Variants in RBM47 observed in about 807,000 individuals in gnomAD.
RBM47 encodes RNA binding motif protein 47, also known as RNA-binding protein 47.
RBM47 carries 21 observed loss-of-function variants against 47.1 expected under a neutral mutation model. The observed-to-expected ratio is 0.45, with a 90% confidence interval of 0.32 to 0.64. The LOEUF (loss-of-function observed/expected upper bound fraction) is 0.64. Ranked by LOEUF, RBM47 falls within the 30% of genes least tolerant of loss-of-function variation. The pLI, the probability that RBM47 is intolerant of heterozygous loss-of-function variation, is 0.05. For synonymous variants in RBM47, 375 were observed against 361.7 expected, an observed-to-expected ratio of 1.04 and a Z score of -0.42; for missense variants, 708 against 870.9, an observed-to-expected ratio of 0.81 and a Z score of 2.35.
intron 2 of RBM47, among the ~76,000 whole-genome samples, chr4:40,481,939 C>T (rs1269257701): frequency 1.3e-5 from 2 of 152,206 alleles, no homozygotes; most frequent in African/African-American, 2.4e-5. Flanking sequence ...CCGGCCTCAA[C>T]CTCCCAAAGT....
chr4:40,523,571 A>G (rs1263330121), intron 2 of RBM47, among the ~76,000 whole-genome samples: 1 of 152,002 alleles, frequency 6.6e-6, no homozygotes, highest in Non-Finnish European at 1.5e-5. Flanking sequence ...GAATTGCTTG[A>G]ACCCAGGAGG....
intron 4 of RBM47, 146 bp from the exon 5 acceptor site, chr4:40,436,793 C>T: frequency 1.3e-6 from 1 of 773,550 alleles, no homozygotes; most frequent in South Asian, 1.4e-5. Flanking sequence ...GGTAAAGATG[C>T]TTCCAACATT....
intron 1 of RBM47, among the ~76,000 whole-genome samples, chr4:40,588,997 T>A (rs1291287094): frequency 7.5e-6 from 1 of 133,050 alleles, no homozygotes; most frequent in Admixed American, 7.3e-5. Flanking sequence ...CGTTTCTTTT[T>A]TTTTTTTTTT....
At chr4:40,457,141 C>T (rs927193587) in intron 3 of RBM47, among the ~76,000 whole-genome samples, 1 of 151,620 alleles carries the variant, frequency 6.6e-6, no homozygotes, top group Non-Finnish European at 1.5e-5. Flanking sequence ...TTGTGGGGGT[C>T]GGGCGTGGTG....
chr4:40,488,348 T>TG (rs1240009283), intron 2 of RBM47, among the ~76,000 whole-genome samples: 3 of 10,316 alleles, frequency 2.9e-4, no homozygotes, highest in South Asian at 6.4e-3. Context: ...AAAAAAAGGG[T>TG]GGGGGGGAAG....
At chr4:40,459,457 T>G (rs1272290906) in intron 3 of RBM47, among the ~76,000 whole-genome samples, 1 of 152,058 alleles carries the variant, frequency 6.6e-6, no homozygotes, top group Non-Finnish European at 1.5e-5. Flanking sequence ...TCCCAGCTAC[T>G]GGGGAGGGTG....
At chr4:40,507,210 G>A (rs1235647383) in intron 2 of RBM47, among the ~76,000 whole-genome samples, 1 of 152,002 alleles carries the variant, frequency 6.6e-6, no homozygotes, top group Non-Finnish European at 1.5e-5. Flanking sequence ...GCCAGTCTCC[G>A]CCTTCCAAAG....
chr4:40,526,232 G>A (rs375461373), intron 2 of RBM47, among the ~76,000 whole-genome samples: 37 of 152,232 alleles, frequency 2.4e-4, no homozygotes, highest in African/African-American at 8.4e-4. Context: ...TTCAGAACAC[G>A]GGATCCTGCC....
chr4:40,605,343 A>G (rs1735668931), intron 1 of RBM47, among the ~76,000 whole-genome samples: 1 of 152,120 alleles, frequency 6.6e-6, no homozygotes, highest in East Asian at 1.9e-4. Context: ...GGCTCTTACA[A>G]AAGTGCATGA....
At chr4:40,457,422 CA>C (rs35497838) in intron 3 of RBM47, among the ~76,000 whole-genome samples, 47,628 of 111,152 alleles carry the variant, frequency 0.43, 7,603 homozygotes, top group South Asian at 0.47. Context: ...GACTCCATCT[CA>C]AAAAAAAAAA....
intron 1 of RBM47, among the ~76,000 whole-genome samples, chr4:40,573,101 C>T (rs577903229): frequency 6.9e-6 from 1 of 145,272 alleles, no homozygotes; most frequent in South Asian, 2.1e-4. Flanking sequence ...TGCAATGAGC[C>T]GACATTGCGC....
At chr4:40,459,944 CG>C (rs763777814) in intron 3 of RBM47, among the ~76,000 whole-genome samples, 7 of 152,058 alleles carry the variant, frequency 4.6e-5, no homozygotes, top group Non-Finnish European at 7.4e-5. Context: ...TTAGTAGAGA[CG>C]GGGTTTCACC....
chr4:40,479,079 G>A (rs1720032711), intron 2 of RBM47, among the ~76,000 whole-genome samples: 1 of 152,176 alleles, frequency 6.6e-6, no homozygotes, highest in Non-Finnish European at 1.5e-5. Context: ...ATAATAGTTG[G>A]CTAAGAAGCT....
At chr4:40,496,031 T>C (rs1017144034) in intron 2 of RBM47, among the ~76,000 whole-genome samples, 28 of 152,334 alleles carry the variant, frequency 1.8e-4, no homozygotes, top group African/African-American at 6.5e-4. Context: ...AAGAAACAAT[T>C]GATCATCCCC....
intron 3 of RBM47, among the ~76,000 whole-genome samples, chr4:40,459,237 C>T (rs1237043174): frequency 2.0e-5 from 3 of 152,146 alleles, no homozygotes; most frequent in African/African-American, 7.2e-5. Context: ...TCCCCAGTGC[C>T]TGGCACTGAA....
chr4:40,550,423 C>G (rs2102162), intron 1 of RBM47, among the ~76,000 whole-genome samples: 2 of 151,726 alleles, frequency 1.3e-5, no homozygotes, highest in African/African-American at 4.8e-5. Flanking sequence ...GTTTATCATA[C>G]GTAATTTTTT....
At chr4:40,481,055 G>A (rs1720313471) in intron 2 of RBM47, among the ~76,000 whole-genome samples, 1 of 151,964 alleles carries the variant, frequency 6.6e-6, no homozygotes, top group African/African-American at 2.4e-5. Context: ...GGAAGTGTGT[G>A]GTTTTGCCAA....
chr4:40,565,905 C>CA (rs1340926171), intron 1 of RBM47, among the ~76,000 whole-genome samples: 1 of 151,808 alleles, frequency 6.6e-6, no homozygotes, highest in Non-Finnish European at 1.5e-5. Context: ...CCTGTCTCTA[C>CA]AAAAAATAAA....
At position 40,438,784 on chromosome 4, in the gene RBM47, G is replaced by A. The variant is rs1387495250; in HGVS notation, c.110C>T (p.Ala37Val). 2.6e-6 allele frequency: 4 copies of A among 1,558,228 alleles called. No homozygotes were observed. The highest frequency in any genetic ancestry group is 3.5e-6 in the Non-Finnish European group (4 of 1,156,950). ...GCTGTAGCCCGTGCGCTCCATCAGC[G>A]CCAGCAGTGCTGCCTCGTTGGGCGC... ...AGAPNEAALL[A>V]LMERTGYSMV... is the part of the protein sequence containing the mutation. The change falls in exon 4 of 7, where the codon GCG (alanine) becomes GTG (valine). Residue 37 changes from alanine (A) to valine (V), a missense_variant. By Grantham distance (64) the Ala-to-Val change is moderately conservative (BLOSUM62 0). Coordinates refer to ENST00000295971, the MANE Select transcript of RBM47 (RefSeq NM_001098634.2).
Sources: allele counts gnomAD v4.1 joint callset (sites outside exome capture counted in the v4.1 genomes callset), GRCh38; gene constraint gnomAD v4.1.1; transcripts MANE v1.5; gene names NCBI Gene and HGNC (gene_info 2026-07-23, HGNC 2026-07-21).